Variants in NRIP3 observed in about 807,000 individuals in gnomAD.
NRIP3 encodes the protein nuclear receptor-interacting protein 3.
In NRIP3, 31 loss-of-function variants were observed where a neutral mutation model predicts 29.0. The observed-to-expected ratio is 1.07, with a 90% CI of 0.80 to 1.44. The LOEUF is 1.44. Among genes scored for constraint, NRIP3 ranks in the 40% most tolerant of loss-of-function variants. NRIP3 has a pLI of 0.00. For synonymous variants in NRIP3, 131 were observed against 118.3 expected, an observed-to-expected ratio of 1.11 and a Z score of -0.70; for missense variants, 314 against 297.9, an observed-to-expected ratio of 1.05 and a Z score of -0.40.
intron 1 of NRIP3, among the ~76,000 whole-genome samples, chr11:8,996,602 A>G (rs1036440481): frequency 2.6e-5 from 4 of 152,174 alleles, no homozygotes; most frequent in African/African-American, 7.2e-5. Context: ...CTTGATTAAT[A>G]TCATTGAATT....
At position 8,993,395 on chromosome 11, in the gene NRIP3, A is replaced by T. The variant is rs184395001; in HGVS notation, c.175-5113T>A. ...AGCTGTAAATAACAAGAACATAGTC[A>T]TAATAATGTAAGCAATAAATGCTTA... is the stretch of plus-strand genomic sequence containing the variant. On this transcript the variant is annotated intron_variant, in intron 1 of 6. Transcript: ENST00000309166. Among the ~76,000 whole-genome samples the T allele has an allele frequency of 3.3e-5, 5 of 152,380 alleles. No homozygotes were observed. In the East Asian group the frequency reaches 9.6e-4, roughly 29 times the overall value.
intron 1 of NRIP3, among the ~76,000 whole-genome samples, chr11:8,989,682 G>A (rs1854567044): frequency 1.3e-5 from 2 of 152,208 alleles, no homozygotes; most frequent in African/African-American, 4.8e-5. Flanking sequence ...AGCTTGACTA[G>A]GAGCTAGAGG....
At chr11:8,983,722 G>T in intron 6 of NRIP3, 153 bp downstream of exon 6, 1 of 867,666 alleles carries the variant, frequency 1.2e-6, no homozygotes, top group Non-Finnish European at 1.9e-6. Flanking sequence ...TTTGTGGGGT[G>T]ATGAACTCTG....
At chr11:8,986,971 T>C (rs1226365378) in intron 3 of NRIP3, among the ~76,000 whole-genome samples, 1 of 152,162 alleles carries the variant, frequency 6.6e-6, no homozygotes, top group African/African-American at 2.4e-5. Context: ...TGAGCTGAGA[T>C]TGCACCACTG....
At chr11:8,996,880 G>A (rs957215842) in intron 1 of NRIP3, among the ~76,000 whole-genome samples, 15 of 152,056 alleles carry the variant, frequency 9.9e-5, no homozygotes, top group African/African-American at 3.6e-4. Flanking sequence ...GTGAAATTGT[G>A]TCTCTACAAA....
intron 1 of NRIP3, among the ~76,000 whole-genome samples, chr11:9,000,071 A>G (rs775178538): frequency 6.6e-6 from 1 of 152,196 alleles, no homozygotes; most frequent in Non-Finnish European, 1.5e-5. Context: ...ATTGCATGAC[A>G]TGTGTAGTAG....
intron 1 of NRIP3, among the ~76,000 whole-genome samples, chr11:8,995,358 C>T (rs1339897485): frequency 6.6e-6 from 1 of 152,240 alleles, no homozygotes; most frequent in Non-Finnish European, 1.5e-5. Context: ...CCAAACCTTA[C>T]TCTCTTGATC....
intron 1 of NRIP3, among the ~76,000 whole-genome samples, chr11:9,000,195 C>T (rs1854770410): frequency 6.6e-6 from 1 of 152,180 alleles, no homozygotes; most frequent in South Asian, 2.1e-4. Context: ...GTCTTAGCCC[C>T]TAGACTGTGT....
intron 1 of NRIP3, among the ~76,000 whole-genome samples, chr11:8,993,656 A>G (rs1489439486): frequency 6.6e-6 from 1 of 152,066 alleles, no homozygotes; most frequent in Admixed American, 6.6e-5. Context: ...AAAAAATACA[A>G]AAATTAGCCA....
At position 8,985,742 on chromosome 11, in the gene NRIP3, G is replaced by C; in HGVS notation, c.531C>G (p.Ser177=). The C allele has an allele frequency of 6.2e-7, 1 of 1,614,134 alleles. No homozygotes were observed. The highest frequency in any genetic ancestry group is 1.1e-5 in the South Asian group (1 of 91,060). ...QIEHLVITLG[S]LRLDCPAAVV... ...CAGCTGCTGGGCAGTCCAGGCGGAG[G>C]GAGCCCAGTGTGATCACTAGGTGCT... The change falls in exon 4 of 7, where the codon TCC becomes TCG. Residue 177 remains serine (S), a synonymous_variant. Transcript: ENST00000309166.
intron 3 of NRIP3, 58 bp from the exon 4 acceptor site, chr11:8,985,908 G>GC: frequency 6.3e-7 from 1 of 1,578,978 alleles, no homozygotes. Flanking sequence ...GTAGAATCCT[G>GC]CAATGCCTAC....
chr11:8,980,821 A>G lies in NRIP3; in HGVS notation c.*2724T>C, dbSNP rs375528714. The G allele has an allele frequency of 3.9e-5, 6 of 152,354 alleles. No individual in the cohort carries two copies. In the East Asian group the frequency reaches 1.2e-3, roughly 29 times the overall value. 9.4% of individuals were successfully genotyped at this position (152,354 alleles called of 1,614,324 possible). ...GAGCTAAGAAATAGAAAATTGTACC[A>G]GGTAGGGTCTGTGCAGGGCAAGAAA... On this transcript the variant is annotated 3_prime_UTR_variant, in exon 7 of 7. Transcript: ENST00000309166.
rs1370038877 is a variant in NRIP3, at chr11:8,981,824, A to C, written c.*1721T>G. 1 of 152,162 alleles carries C rather than the reference A, an allele frequency of 6.6e-6. No individual in the cohort carries two copies. Among genetic ancestry groups the C allele is most frequent in the Non-Finnish European group, 1.5e-5 (1 of 68,036 alleles). 9.4% of individuals were successfully genotyped at this position (152,162 alleles called of 1,614,324 possible). On this transcript the variant is annotated 3_prime_UTR_variant, in exon 7 of 7. Coordinates refer to ENST00000309166, the MANE Select transcript of NRIP3 (RefSeq NM_020645.3). The stretch of plus-strand genomic sequence containing the variant: ...CTTCTTTAGGTAGAGGCTGATAGGA[A>C]GGGGGCCTAGGGAATGACCCCATGA...
Position 8,988,288 on chromosome 11 carries a change from G to A in NRIP3, c.175-6C>T, listed in dbSNP as rs573261360. 1.2e-6 allele frequency: 2 copies of A among 1,612,080 alleles called. No individual in the cohort carries two copies. ...TGCAGAATATTATGAGGTTGCTTGAGGGATAGAAAGCAGAGACTTCTTAGT... is the reference window on the plus strand; with the variant it reads ...TGCAGAATATTATGAGGTTGCTTGAAGGATAGAAAGCAGAGACTTCTTAGT... On this transcript the variant is annotated splice_polypyrimidine_tract_variant and splice_region_variant and intron_variant, in intron 1 of 6. Coordinates refer to ENST00000309166, the MANE Select transcript of NRIP3 (RefSeq NM_020645.3).
intron 1 of NRIP3, among the ~76,000 whole-genome samples, chr11:9,001,246 T>C (rs1202922075): frequency 6.6e-6 from 1 of 152,184 alleles, no homozygotes; most frequent in African/African-American, 2.4e-5. Context: ...GCAAAGGCAC[T>C]TTCCTGGGGC....
At chr11:8,996,424 G>A (rs1451787091) in intron 1 of NRIP3, among the ~76,000 whole-genome samples, 2 of 151,854 alleles carry the variant, frequency 1.3e-5, no homozygotes, top group Non-Finnish European at 1.5e-5. Flanking sequence ...TGGACTACAG[G>A]TGCGTAGCAG....
At chr11:9,002,528 A>AAATTATACTTTGTAT (rs11273145) in intron 1 of NRIP3, among the ~76,000 whole-genome samples, 1 of 147,688 alleles carries the variant, frequency 6.8e-6, no homozygotes. Context: ...GGGAGGAGAA[A>AAATTATACTTTGTAT]AATTTTTGTA....
chr11:8,999,103 C>T (rs763619987), intron 1 of NRIP3, among the ~76,000 whole-genome samples: 5 of 152,172 alleles, frequency 3.3e-5, no homozygotes, highest in African/African-American at 4.8e-5. Flanking sequence ...GCGCCCAGCC[C>T]GCAAACTCTT....
At chr11:9,004,008 A>T, upstream of NRIP3, 1 of 1,352,928 alleles carries the variant, frequency 7.4e-7, no homozygotes, top group Non-Finnish European at 9.6e-7. Context: ...CAGCGCCGCA[A>T]GGGCCCCGAG....
Sources: allele counts gnomAD v4.1 joint callset (sites outside exome capture counted in the v4.1 genomes callset), GRCh38; gene constraint gnomAD v4.1.1; transcripts MANE v1.5; gene names NCBI Gene and HGNC (gene_info 2026-07-23, HGNC 2026-07-21).